Variants in FBXL5 observed in about 807,000 individuals in gnomAD.
FBXL5 encodes F-box and leucine rich repeat protein 5.
Under a neutral mutation model 78.3 loss-of-function variants are expected in FBXL5, and 26 were observed. The ratio of observed to expected loss-of-function variants is 0.33; its 90% CI spans 0.24 to 0.46. The LOEUF (loss-of-function observed/expected upper bound fraction) is 0.46, where lower values mean the gene tolerates loss of function less well. Among genes scored for constraint, FBXL5 ranks in the 20% least tolerant of loss-of-function variants. The probability of loss-of-function intolerance (pLI) is 1.00; values close to 1 mark genes in which losing one functional copy is unlikely to be tolerated. For missense variants in FBXL5, 710 were observed against 829.2 expected, an observed-to-expected ratio of 0.86 and a Z score of 1.77; for synonymous variants, 295 against 282.5, an observed-to-expected ratio of 1.04 and a Z score of -0.45.
intron 1 of FBXL5, among the ~76,000 whole-genome samples, chr4:15,670,743 A>G (rs1383751498): frequency 6.6e-6 from 1 of 151,938 alleles, no homozygotes; most frequent in Non-Finnish European, 1.5e-5. Flanking sequence ...TGCAGGCAGT[A>G]AAATAGCAGC....
At chr4:15,659,317 A>G (rs1355737017), upstream of FBXL5, among the ~76,000 whole-genome samples, 1 of 152,218 alleles carries the variant, frequency 6.6e-6, no homozygotes, top group Non-Finnish European at 1.5e-5. Flanking sequence ...AGTAATATAC[A>G]TATATGGTTT....
chr4:15,650,278 A>G (rs915360269), intron 1 of FBXL5, among the ~76,000 whole-genome samples: 3 of 152,244 alleles, frequency 2.0e-5, no homozygotes, highest in African/African-American at 7.2e-5. Flanking sequence ...ACTGTTTTTC[A>G]AATACTGTTA....
intron 2 of FBXL5, chr4:15,641,580 T>C (rs1303936691): frequency 1.3e-5 from 6 of 457,228 alleles, no homozygotes; most frequent in African/African-American, 5.8e-5. Flanking sequence ...ATAATTGTTA[T>C]TCGATTGTTT....
At chr4:15,610,547 G>T (rs1026305682) in intron 10 of FBXL5, among the ~76,000 whole-genome samples, 1 of 152,120 alleles carries the variant, frequency 6.6e-6, no homozygotes, top group South Asian at 2.1e-4. Flanking sequence ...TAGCTCCTCT[G>T]AAACTATATA....
intron 5 of FBXL5, among the ~76,000 whole-genome samples, chr4:15,636,166 A>G (rs1714241715): frequency 6.6e-6 from 1 of 152,138 alleles, no homozygotes; most frequent in African/African-American, 2.4e-5. Flanking sequence ...TTTAATTCTG[A>G]AAAACAGTCA....
chr4:15,648,667 A>G (rs956306401), intron 1 of FBXL5, among the ~76,000 whole-genome samples: 5 of 152,224 alleles, frequency 3.3e-5, no homozygotes, highest in Non-Finnish European at 7.3e-5. Context: ...CTAAAGTAGA[A>G]CTCACAGAAG....
In FBXL5 at chr4:15,627,873, A is replaced by C; in HGVS notation, c.1041+12T>G. ...TTTCTTAATACCCAAACTAGTGTTA[A>C]TTTAAACATACCATTTTGCTGGAAA... On this transcript the variant is annotated intron_variant, in intron 7 of 10. Transcript: ENST00000341285. 1 of 1,604,582 alleles carries C rather than the reference A, an allele frequency of 6.2e-7. No homozygotes were observed. The highest frequency in any genetic ancestry group is 8.5e-7 in the Non-Finnish European group (1 of 1,175,568).
rs941784332 is a variant in FBXL5 at position 15,604,405 on chromosome 4, A to G, written c.*1318T>C. The G allele has an allele frequency of 1.3e-5, 2 of 152,226 alleles. No homozygotes were observed. Among genetic ancestry groups the G allele is most frequent in the Non-Finnish European group, 2.9e-5 (2 of 68,044 alleles). 9.4% of individuals were successfully genotyped at this position (152,226 alleles called of 1,614,324 possible). ...ATTTATCAATTAAGTTCTCTGTCTT[A>G]TTAGGGCACAGTTCATGGCATTCCA... On this transcript the variant is annotated 3_prime_UTR_variant, in exon 11 of 11. Transcript: ENST00000341285.
Position 15,631,458 on chromosome 4 carries a change from G to A in FBXL5, c.767-667C>T, listed in dbSNP as rs540289806. On this transcript the variant is annotated intron_variant, in intron 5 of 10. Coordinates refer to ENST00000341285, the MANE Select transcript of FBXL5 (RefSeq NM_012161.4). ...AGTAATGGGATGGCTGGGTCAAATGGTATTTCTAGTTCTAGATCCTTAAGG... is the reference window on the plus strand; with the variant it reads ...AGTAATGGGATGGCTGGGTCAAATGATATTTCTAGTTCTAGATCCTTAAGG... Among the ~76,000 whole-genome samples, 11 of 152,286 alleles carry A rather than the reference G, an allele frequency of 7.2e-5. No individual in the cohort carries two copies. The South Asian group carries it at 2.3e-3, about 32-fold the overall frequency.
At chr4:15,609,302 G>A (rs552537868) in intron 10 of FBXL5, among the ~76,000 whole-genome samples, 1 of 152,136 alleles carries the variant, frequency 6.6e-6, no homozygotes, top group South Asian at 2.1e-4. Context: ...ATATTTAAAT[G>A]CGTGGTAAAG....
rs181117958 is a variant in FBXL5 at position 15,651,819 on chromosome 4, T to C, written c.84+3385A>G. ...CTCCACCACTTGAGTTTTTAATAACTGGTTTATATATAAGCCTGGGAATCT... is the reference window on the plus strand; with the variant it reads ...CTCCACCACTTGAGTTTTTAATAACCGGTTTATATATAAGCCTGGGAATCT... On this transcript the variant is annotated intron_variant, in intron 1 of 10. Transcript: ENST00000341285. 3.3e-5 allele frequency among the ~76,000 whole-genome samples: 5 copies of C among 152,356 alleles called. No individual in the cohort carries two copies. The East Asian group carries it at 7.7e-4, about 23-fold the overall frequency.
At chr4:15,646,489 T>C (rs552461145) in intron 1 of FBXL5, among the ~76,000 whole-genome samples, 3 of 149,698 alleles carry the variant, frequency 2.0e-5, no homozygotes, top group Non-Finnish European at 4.4e-5. Flanking sequence ...AACTTAAAAA[T>C]AGCCTTAGTA....
rs185561004 is a variant in FBXL5, at chr4:15,609,303, C to T, written c.1999+2963G>A. Among the ~76,000 whole-genome samples, 10 of 151,732 alleles carry T rather than the reference C, an allele frequency of 6.6e-5. No individual in the cohort carries two copies. In the East Asian group the frequency reaches 1.2e-3, roughly 18 times the overall value. ...GAATAATCATTAAAATATTTAAATG[C>T]GTGGTAAAGAATAATCTTATAAGAA... On this transcript the variant is annotated intron_variant, in intron 10 of 10. Transcript: ENST00000341285.
intron 1 of FBXL5, among the ~76,000 whole-genome samples, chr4:15,674,387 T>C (rs978808958): frequency 1.3e-5 from 2 of 152,136 alleles, no homozygotes; most frequent in African/African-American, 4.8e-5. Context: ...GAACTGCACT[T>C]GAGATCCCAA....
At chr4:15,656,367 A>G (rs1366948478), upstream of FBXL5, 1 of 445,926 alleles carries the variant, frequency 2.2e-6, no homozygotes, top group Non-Finnish European at 4.5e-6. Flanking sequence ...AAATAGGAGA[A>G]AACAGGGAAG....
intron 1 of FBXL5, among the ~76,000 whole-genome samples, chr4:15,651,279 T>C (rs991997488): frequency 6.6e-6 from 1 of 152,254 alleles, no homozygotes; most frequent in Admixed American, 6.5e-5. Flanking sequence ...AGTAAGGTAA[T>C]GCAAAACCCA....
intron 4 of FBXL5, among the ~76,000 whole-genome samples, chr4:15,638,022 G>GA (rs1181974385): frequency 4.0e-5 from 6 of 151,414 alleles, no homozygotes; most frequent in Non-Finnish European, 5.9e-5. Flanking sequence ...GATACAAGCT[G>GA]AAAAAATAAT....
chr4:15,653,715 A>C (rs1716435838), intron 1 of FBXL5, among the ~76,000 whole-genome samples: 1 of 152,184 alleles, frequency 6.6e-6, no homozygotes, highest in Admixed American at 6.5e-5. Context: ...AGAGGATAAA[A>C]ACACTATAAT....
At chr4:15,662,390 G>A (rs960763485), upstream of FBXL5, among the ~76,000 whole-genome samples, 1 of 152,104 alleles carries the variant, frequency 6.6e-6, no homozygotes, top group Non-Finnish European at 1.5e-5. Flanking sequence ...AATAAACTAT[G>A]AAAAAGAGTA....
Sources: gnomAD v4.1 joint callset for allele counts (sites outside exome capture counted in the v4.1 genomes callset) on GRCh38, gnomAD v4.1.1 for gene constraint, MANE v1.5 for transcripts, NCBI Gene and HGNC (gene_info 2026-07-23, HGNC 2026-07-21) for gene names.